GSE1: variants seen among roughly 807,000 people sequenced by gnomAD.
GSE1 encodes Gse1 coiled-coil protein.
GSE1 carries 32 observed loss-of-function variants against 112.6 expected under a neutral mutation model. The ratio of observed to expected loss-of-function variants is 0.28; its 90% CI spans 0.21 to 0.38. The LOEUF (loss-of-function observed/expected upper bound fraction) is 0.38. Ranked by LOEUF, GSE1 falls within the 10% of genes least tolerant of loss-of-function variation. The pLI is 1.00. For missense variants in GSE1, 2,348 were observed against 1,699.2 expected (o/e 1.38, Z -6.71); for synonymous variants, 1,115 against 735.6 (o/e 1.52, Z -8.35).
At chr16:85,485,751 G>A (rs981210755) in intron 2 of GSE1, among the ~76,000 whole-genome samples, 4 of 152,182 alleles carry the variant, frequency 2.6e-5, no homozygotes, top group African/African-American at 9.7e-5. Context: ...GGGCCGCCTC[G>A]CTCCTGGGGA....
chr16:85,244,604 C>G (rs533494932), intron 1 of GSE1, among the ~76,000 whole-genome samples: 4 of 152,136 alleles, frequency 2.6e-5, no homozygotes, highest in African/African-American at 9.7e-5. Context: ...AATCCTAGCA[C>G]GATGGGAGGC....
In GSE1 at chr16:85,663,379, C is replaced by T. The variant is rs1306570388; in HGVS notation, c.2409C>T (p.Thr803=). Residue 803 remains threonine, a synonymous_variant, in exon 11 of 16, where the codon ACC becomes ACT. Coordinates refer to ENST00000253458, the MANE Select transcript of GSE1 (RefSeq NM_014615.5). ...TTTTGCAACTTTTTGGCTTGACCACCCAACAGCAGAAGGAGGAATTGGTGG... is the reference window on the plus strand; with the variant it reads ...TTTTGCAACTTTTTGGCTTGACCACTCAACAGCAGAAGGAGGAATTGGTGG... ...LEFLQLFGLT[T]QQQKEELVAQ... is the part of the protein sequence containing the mutation. 1.2e-6 allele frequency: 2 copies of T among 1,613,878 alleles called. No homozygotes were observed. Among genetic ancestry groups the T allele is most frequent in the Non-Finnish European group, 8.5e-7 (1 of 1,180,014 alleles).
At chr16:85,669,869 G>A (rs2053185697) in intron 14 of GSE1, among the ~76,000 whole-genome samples, 1 of 152,162 alleles carries the variant, frequency 6.6e-6, no homozygotes, top group Non-Finnish European at 1.5e-5. Context: ...TCCCACACCT[G>A]CTGGGCCTGG....
rs188165479 is a variant in GSE1 at position 85,663,391 on chromosome 16, G to A, written c.2421G>A (p.Lys807=). The A allele has an allele frequency of 1.6e-5, 26 of 1,613,990 alleles. No homozygotes were observed. The Admixed American group carries it at 3.0e-4, about 19-fold the overall frequency. ...QLFGLTTQQQ[K]EELVAQKRRK... is the part of the protein sequence containing the mutation. ...TTGGCTTGACCACCCAACAGCAGAA[G>A]GAGGAATTGGTGGCCCAGAAGCGGA... The change falls in exon 11 of 16, where the codon AAG becomes AAA. Residue 807 remains lysine (K), a synonymous_variant. Coordinates refer to ENST00000253458, the MANE Select transcript of GSE1 (RefSeq NM_014615.5).
At chr16:85,259,208 C>A (rs527646833) in intron 1 of GSE1, among the ~76,000 whole-genome samples, 1 of 152,232 alleles carries the variant, frequency 6.6e-6, no homozygotes, top group African/African-American at 2.4e-5. Context: ...CTCCAAGGAA[C>A]CCCGGTTGCC....
At chr16:85,226,307 A>C (rs910388977) in intron 1 of GSE1, among the ~76,000 whole-genome samples, 1 of 152,226 alleles carries the variant, frequency 6.6e-6, no homozygotes, top group Non-Finnish European at 1.5e-5. Context: ...ATGTTGCTTG[A>C]TACTGATTGC....
At chr16:85,304,712 T>A (rs1285255977) in intron 1 of GSE1, among the ~76,000 whole-genome samples, 1 of 148,266 alleles carries the variant, frequency 6.7e-6, no homozygotes, top group Non-Finnish European at 1.5e-5. Flanking sequence ...TGCCTGAACA[T>A]AAATAACACC....
At chr16:85,485,722 C>CT (rs1386242972) in intron 2 of GSE1, among the ~76,000 whole-genome samples, 2 of 152,226 alleles carry the variant, frequency 1.3e-5, no homozygotes, top group African/African-American at 2.4e-5. Flanking sequence ...TCAGTGTGCC[C>CT]GTAATTGTTC....
chr16:85,599,860 A>G (rs1249178285), intron 1 of GSE1, among the ~76,000 whole-genome samples: 2 of 152,190 alleles, frequency 1.3e-5, no homozygotes, highest in East Asian at 1.9e-4. Flanking sequence ...TGATCGTACC[A>G]CTGCCAGCCT....
At chr16:85,403,940 G>A (rs966866892) in intron 2 of GSE1, among the ~76,000 whole-genome samples, 23 of 152,162 alleles carry the variant, frequency 1.5e-4, no homozygotes, top group East Asian at 5.8e-4. Context: ...AGCCTCTGGG[G>A]ACTCTGGCTT....
At chr16:85,237,841 C>CAAAAAAAAAAGAA (rs143803090) in intron 1 of GSE1, among the ~76,000 whole-genome samples, 1 of 140,546 alleles carries the variant, frequency 7.1e-6, no homozygotes, top group East Asian at 2.1e-4. Context: ...CTGTCCCCCG[C>CAAAAAAAAAAGAA]AAAAAAAAAG....
chr16:85,590,162 ATG>A lies in GSE1; in HGVS notation c.37+33806_37+33807del, dbSNP rs938913629. Among the ~76,000 whole-genome samples, 41 of 151,846 alleles carry A rather than the reference ATG, an allele frequency of 2.7e-4. 1 individual carries two copies. Among genetic ancestry groups the A allele is most frequent in the South Asian group, 1.0e-3 (5 of 4,800 alleles). ...CCTGTGATTGTGAGCGTGTGAGTGA[ATG>A]TGTGTGACATTGTGTATGTCACTGA... On this transcript the variant is annotated intron_variant, in intron 1 of 2. Coordinates refer to the GSE1 transcript ENST00000635906.
intron 1 of GSE1, among the ~76,000 whole-genome samples, chr16:85,558,680 G>A (rs1375210678): frequency 2.0e-5 from 3 of 152,218 alleles, no homozygotes; most frequent in Admixed American, 6.5e-5. Context: ...TGTGGATGCA[G>A]GCTTTCCCCG....
intron 2 of GSE1, among the ~76,000 whole-genome samples, chr16:85,395,123 G>A (rs1319555169): frequency 6.6e-6 from 1 of 152,172 alleles, no homozygotes; most frequent in East Asian, 1.9e-4. Flanking sequence ...ACAAAGCTGA[G>A]GATGAGGAGG....
At chr16:85,548,055 G>A (rs2044763418) in intron 2 of GSE1, among the ~76,000 whole-genome samples, 1 of 151,642 alleles carries the variant, frequency 6.6e-6, no homozygotes, top group Non-Finnish European at 1.5e-5. Context: ...GTGAAACGCT[G>A]TCTCTACTAA....
At chr16:85,417,368 C>T (rs891366949) in intron 2 of GSE1, among the ~76,000 whole-genome samples, 1 of 151,666 alleles carries the variant, frequency 6.6e-6, no homozygotes, top group Non-Finnish European at 1.5e-5. Flanking sequence ...CCTGCACAGC[C>T]TGTCAGGCCG....
intron 1 of GSE1, among the ~76,000 whole-genome samples, chr16:85,267,496 C>T (rs1414982862): frequency 2.0e-5 from 3 of 152,080 alleles, no homozygotes; most frequent in Non-Finnish European, 4.4e-5. Flanking sequence ...CCTATGTGCG[C>T]ACGCATGTAC....
At chr16:85,447,386 A>G (rs1490330872) in intron 2 of GSE1, among the ~76,000 whole-genome samples, 1 of 152,182 alleles carries the variant, frequency 6.6e-6, no homozygotes, top group African/African-American at 2.4e-5. Flanking sequence ...CAAGTCCCAG[A>G]TTCACCACTT....
chr16:85,300,223 G>A (rs941919913), intron 1 of GSE1, among the ~76,000 whole-genome samples: 1 of 152,116 alleles, frequency 6.6e-6, no homozygotes, highest in Non-Finnish European at 1.5e-5. Flanking sequence ...TGTTGGTCAG[G>A]CTGGTCTCGA....
Sources: allele counts gnomAD v4.1 joint callset (sites outside exome capture counted in the v4.1 genomes callset), GRCh38; gene constraint gnomAD v4.1.1; transcripts MANE v1.5; gene names NCBI Gene and HGNC (gene_info 2026-07-23, HGNC 2026-07-21).